CD6: variants seen among roughly 807,000 people sequenced by gnomAD.
CD6 encodes the protein CD6 molecule.
A neutral mutation model predicts 75.3 loss-of-function variants in CD6; 53 were observed. The observed-to-expected ratio is 0.70, with a 90% CI of 0.56 to 0.88. The LOEUF is 0.88. CD6 is among the 40% of genes least tolerant of loss of function. The pLI is 0.00. For synonymous variants in CD6, 359 were observed against 381.5 expected (o/e 0.94, Z 0.69); for missense variants, 770 against 897.1 (o/e 0.86, Z 1.81).
At chr11:60,972,108 G>T (rs991282897) in intron 1 of CD6, among the ~76,000 whole-genome samples, 194 bp downstream of exon 1, 3 of 152,210 alleles carry the variant, frequency 2.0e-5, no homozygotes, top group African/African-American at 7.2e-5. Context: ...CTGGGGCTGT[G>T]CCTGGAAGCC....
intron 4 of CD6, among the ~76,000 whole-genome samples, chr11:61,009,236 G>A (rs1301581780): frequency 2.6e-5 from 4 of 152,186 alleles, no homozygotes; most frequent in African/African-American, 9.7e-5. Flanking sequence ...TTCTGGACCA[G>A]CCAGTGCCTC....
intron 1 of CD6, among the ~76,000 whole-genome samples, chr11:60,993,998 T>C (rs1377809719): frequency 6.6e-6 from 1 of 152,152 alleles, no homozygotes; most frequent in Non-Finnish European, 1.5e-5. Flanking sequence ...TTTAAGTTTT[T>C]TACAGAGGCG....
chr11:60,972,659 C>A (rs1046505037), intron 1 of CD6, among the ~76,000 whole-genome samples: 1 of 152,152 alleles, frequency 6.6e-6, no homozygotes, highest in African/African-American at 2.4e-5. Flanking sequence ...CCCCATCGAG[C>A]TCTCACATTT....
intron 12 of CD6, chr11:61,018,677 C>T (rs191407368): frequency 0.01 from 3,915 of 386,876 alleles, 28 homozygotes; most frequent in Middle Eastern, 0.019. Flanking sequence ...AAATATTAGC[C>T]AAGGGTAGCA....
intron 5 of CD6, 107 bp from the exon 6 acceptor site, chr11:61,010,963 C>A: frequency 3.0e-6 from 3 of 996,534 alleles, no homozygotes; most frequent in African/African-American, 1.6e-5. Context: ...GAGCACAACC[C>A]TAGTTCTGGG....
chr11:60,983,515 T>A (rs1331882194), intron 1 of CD6, among the ~76,000 whole-genome samples: 1 of 152,212 alleles, frequency 6.6e-6, no homozygotes, highest in Non-Finnish European at 1.5e-5. Flanking sequence ...ATTTTCCACA[T>A]TTGCTTTATT....
intron 1 of CD6, among the ~76,000 whole-genome samples, chr11:60,976,660 G>T (rs1272196512): frequency 6.6e-6 from 1 of 152,206 alleles, no homozygotes; most frequent in Non-Finnish European, 1.5e-5. Flanking sequence ...AGTGGACTGA[G>T]CTGAGGTCGG....
At chr11:60,973,695 C>T (rs1342034000) in intron 1 of CD6, among the ~76,000 whole-genome samples, 2 of 152,170 alleles carry the variant, frequency 1.3e-5, no homozygotes, top group East Asian at 3.8e-4. Flanking sequence ...AGGAGATGGC[C>T]TCCTAGCTCT....
chr11:61,009,592 A>T lies in CD6; in HGVS notation c.802A>T (p.Thr268Ser). 1 of 1,608,694 alleles carries T rather than the reference A, an allele frequency of 6.2e-7. No homozygotes were observed. The highest frequency in any genetic ancestry group is 8.5e-7 in the Non-Finnish European group (1 of 1,177,530). ...TGCAGAGCACCAGTCCTGGCGCCTG[A>T]CAGGGGGCGCTGACCGCTGCGAGGG... Reference protein sequence around the residue: ...VCSEHQSWRLTGGADRCEGQV... With the variant: ...VCSEHQSWRLSGGADRCEGQV... Residue 268 changes from threonine to serine, a missense_variant, in exon 5 of 13, where the codon ACA becomes TCA. By Grantham distance (58) the Thr-to-Ser change is moderately conservative (BLOSUM62 1). Transcript: ENST00000313421.
At chr11:60,994,792 G>A (rs1463186923) in intron 1 of CD6, among the ~76,000 whole-genome samples, 4 of 152,218 alleles carry the variant, frequency 2.6e-5, no homozygotes, top group African/African-American at 9.6e-5. Context: ...TAGGAACTGG[G>A]ACAGGTATTC....
In CD6 at chr11:60,995,123, G is replaced by A. The variant is rs757711176; in HGVS notation, c.50-11451G>A. On this transcript the variant is annotated intron_variant, in intron 1 of 12. Coordinates refer to ENST00000313421, the MANE Select transcript of CD6 (RefSeq NM_006725.5). Reference sequence around the variant, plus strand: ...ATTACTTGTATGAGCCAGCGCATGCGTCTTTTTTTTTTTCTTTTTCTTTCT... The same window carrying A: ...ATTACTTGTATGAGCCAGCGCATGCATCTTTTTTTTTTTCTTTTTCTTTCT... 8.4e-5 allele frequency among the ~76,000 whole-genome samples: 11 copies of A among 130,936 alleles called. No individual in the cohort carries two copies. In the East Asian group the frequency reaches 9.8e-4, roughly 12 times the overall value. The allele number at this position is 130,936 out of a possible 152,430, so 85.9% of individuals were successfully genotyped here. A position where few individuals can be genotyped will look rare whatever the true frequency, so the allele number is the denominator to read the frequency against.
At chr11:61,000,442 C>A (rs1025257973) in intron 1 of CD6, among the ~76,000 whole-genome samples, 26 of 152,200 alleles carry the variant, frequency 1.7e-4, no homozygotes, top group African/African-American at 6.0e-4. Context: ...ATCTCTTCAT[C>A]CATCATCCAC....
rs1859586669 is a variant in CD6, at chr11:61,019,760, C to T, written c.*442C>T. ...GAGGGGCAGAACTGGACCCCCATGC[C>T]AGTGCTGCTGCAGGAGGGCCCATAT... On this transcript the variant is annotated 3_prime_UTR_variant, in exon 13 of 13. Coordinates refer to ENST00000313421, the MANE Select transcript of CD6 (RefSeq NM_006725.5). 1 of 168,116 alleles carries T rather than the reference C, an allele frequency of 5.9e-6. No individual in the cohort carries two copies. Among genetic ancestry groups the T allele is most frequent in the South Asian group, 2.0e-4 (1 of 5,030 alleles). The allele number at this position is 168,116 out of a possible 1,614,324, so 10.4% of individuals were successfully genotyped here.
intron 1 of CD6, among the ~76,000 whole-genome samples, chr11:60,975,435 AT>A (rs1857328544): frequency 6.6e-6 from 1 of 152,232 alleles, no homozygotes; most frequent in Admixed American, 6.5e-5. Flanking sequence ...AACTTATAAT[AT>A]TTTTGATATG....
intron 12 of CD6, chr11:61,018,960 G>A: frequency 5.2e-6 from 2 of 386,806 alleles, no homozygotes; most frequent in Non-Finnish European, 9.2e-6. Flanking sequence ...AGCAGAAGCA[G>A]CTGGTTGGCT....
At position 61,014,020 on chromosome 11, in the gene CD6, A is replaced by G. The variant is rs1382391375; in HGVS notation, c.1387+6A>G. The G allele has an allele frequency of 6.2e-7, 1 of 1,607,104 alleles. No homozygotes were observed. The highest frequency in any genetic ancestry group is 8.5e-7 in the Non-Finnish European group (1 of 1,175,376). On this transcript the variant is annotated splice_donor_region_variant and intron_variant, in intron 8 of 12. Coordinates refer to ENST00000313421, the MANE Select transcript of CD6 (RefSeq NM_006725.5). ...CATCACCATCCCCAAAGAAGGTAGG[A>G]TGTCCCCCATCCTGGGTGTGGGAGG...
rs566033269 is a variant in CD6 at position 61,019,854 on chromosome 11, C to T, written c.*536C>T. On this transcript the variant is annotated 3_prime_UTR_variant, in exon 13 of 13. Coordinates refer to ENST00000313421, the MANE Select transcript of CD6 (RefSeq NM_006725.5). ...GGGGGTAGGGTAGCACACCAGCTGTCCCAGGCTTTGCTCCGGGCGGTAACT... is the reference window on the plus strand; with the variant it reads ...GGGGGTAGGGTAGCACACCAGCTGTTCCAGGCTTTGCTCCGGGCGGTAACT... 8.9e-4 allele frequency: 242 copies of T among 271,790 alleles called. 1 individual carries two copies. Among genetic ancestry groups the T allele is most frequent in the African/African-American group, 5.0e-3 (228 of 45,674 alleles). 16.8% of individuals were successfully genotyped at this position (271,790 alleles called of 1,614,324 possible).
rs1859594705 is a variant in CD6, at chr11:61,019,951, A to G, written c.*633A>G. On this transcript the variant is annotated 3_prime_UTR_variant, in exon 13 of 13. Coordinates refer to ENST00000313421, the MANE Select transcript of CD6 (RefSeq NM_006725.5). The stretch of plus-strand genomic sequence containing the variant: ...ATGACAGGTTGACTGTGTACCCCCA[A>G]CCAAGGAGCTGGGGCCCAAGGCCAG... The G allele has an allele frequency of 2.5e-6, 1 of 394,578 alleles. No individual in the cohort carries two copies. The highest frequency in any genetic ancestry group is 2.1e-5 in the African/African-American group (1 of 48,684). 24.4% of individuals were successfully genotyped at this position (394,578 alleles called of 1,614,324 possible).
intron 1 of CD6, among the ~76,000 whole-genome samples, chr11:61,000,397 C>G (rs535395392): frequency 6.6e-6 from 1 of 152,206 alleles, no homozygotes; most frequent in South Asian, 2.1e-4. Flanking sequence ...ATGTTTCCAT[C>G]GTCCCTTTCC....
Sources: allele counts gnomAD v4.1 joint callset (sites outside exome capture counted in the v4.1 genomes callset), GRCh38; gene constraint gnomAD v4.1.1; transcripts MANE v1.5; gene names NCBI Gene and HGNC (gene_info 2026-07-23, HGNC 2026-07-21).